The following GTF3C5 variants were observed in gnomAD, a reference collection of about 807,000 sequenced individuals.
GTF3C5 encodes general transcription factor IIIC subunit 5, also known as general transcription factor 3C polypeptide 5.
In GTF3C5, 47 loss-of-function variants were observed where a neutral mutation model predicts 61.0. That is an observed-to-expected ratio of 0.77 (90% CI 0.61 to 0.98). The LOEUF is 0.98. Ranked by LOEUF, GTF3C5 falls within the 50% of genes least tolerant of loss-of-function variation. The probability of loss-of-function intolerance (pLI) is 0.00; values close to 1 mark genes in which losing one functional copy is unlikely to be tolerated. For missense variants in GTF3C5, 659 were observed against 703.3 expected (o/e 0.94, Z 0.71); for synonymous variants, 295 against 275.4 (o/e 1.07, Z -0.71).
At chr9:133,030,911 G>T, upstream of GTF3C5, 1 of 1,361,872 alleles carries the variant, frequency 7.3e-7, no homozygotes, top group South Asian at 1.2e-5. Flanking sequence ...GACGCGAGCG[G>T]TGAGGGAGCC....
intron 4 of GTF3C5, 137 bp from the exon 5 acceptor site, chr9:133,051,923 G>A (rs983819383): frequency 1.1e-5 from 6 of 529,918 alleles, no homozygotes; most frequent in South Asian, 2.6e-5. Context: ...CTAGGGCCAC[G>A]CCCTGTGTGT....
intron 1 of GTF3C5, among the ~76,000 whole-genome samples, chr9:133,039,768 C>G (rs781723290): frequency 8.5e-5 from 13 of 152,182 alleles, no homozygotes; most frequent in Non-Finnish European, 1.9e-4. Context: ...GTGCCTAGTT[C>G]TGTAAATACT....
intron 5 of GTF3C5, 86 bp downstream of exon 5, chr9:133,052,250 G>A (rs1376410122): frequency 5.6e-6 from 4 of 709,708 alleles, no homozygotes; most frequent in Non-Finnish European, 1.0e-5. Flanking sequence ...GCCACAGTAA[G>A]AGCAGCCAAC....
chr9:133,046,029 A>T lies in GTF3C5; in HGVS notation c.572+2103A>T, dbSNP rs192631224. ...TTAAGCTTCCAAAAATGCAGCCCTC[A>T]AGAGAATGGGCTTGGGCCTAGTGTA... On this transcript the variant is annotated intron_variant, in intron 3 of 10. Transcript: ENST00000372097. Among the ~76,000 whole-genome samples the T allele has an allele frequency of 1.0e-3, 152 of 152,346 alleles. 2 individuals are homozygous for T. The highest frequency in any genetic ancestry group is 9.7e-3 in the Admixed American group (149 of 15,306).
rs553879143 is a variant in GTF3C5, at chr9:133,050,624, G to A, written c.573-159G>A. ...TCCTCTGTGAATACAGGTTCCTTTAGCAGCCAACTCTGGGGTCCTTTCCCA... is the reference window on the plus strand; with the variant it reads ...TCCTCTGTGAATACAGGTTCCTTTAACAGCCAACTCTGGGGTCCTTTCCCA... On this transcript the variant is annotated intron_variant, in intron 3 of 10. Transcript: ENST00000372097. Among the ~76,000 whole-genome samples, 18 of 152,330 alleles carry A rather than the reference G, an allele frequency of 1.2e-4. 1 individual carries two copies. Among genetic ancestry groups the A allele is most frequent in the African/African-American group, 4.1e-4 (17 of 41,578 alleles).
intron 8 of GTF3C5, chr9:133,055,438 T>C (rs1829909167): frequency 5.7e-6 from 7 of 1,234,486 alleles, no homozygotes; most frequent in Non-Finnish European, 2.1e-6. Context: ...GCCTATTTTC[T>C]AGGTTTTTTA....
chr9:133,046,309 G>T (rs1850202374), intron 3 of GTF3C5, among the ~76,000 whole-genome samples: 2 of 152,156 alleles, frequency 1.3e-5, no homozygotes, highest in South Asian at 4.1e-4. Flanking sequence ...CAGCCTGGGT[G>T]ACAGAACAAA....
intron 8 of GTF3C5, chr9:133,055,506 T>C: frequency 8.3e-7 from 1 of 1,197,664 alleles, no homozygotes; most frequent in Non-Finnish European, 1.1e-6. Flanking sequence ...CGGCCTTCCT[T>C]CTCGAGGCCT....
At chr9:133,040,746 A>AC (rs1850014129) in intron 1 of GTF3C5, among the ~76,000 whole-genome samples, 1 of 152,060 alleles carries the variant, frequency 6.6e-6, no homozygotes, top group South Asian at 2.1e-4. Context: ...AAGCCACTCC[A>AC]CCCCGCACCA....
At chr9:133,055,836 T>C (rs899388733) in intron 8 of GTF3C5, 176 bp from the exon 9 acceptor site, 2 of 1,411,538 alleles carry the variant, frequency 1.4e-6, no homozygotes, top group Non-Finnish European at 1.8e-6. Context: ...CCTGGGGAGT[T>C]GGACATTGTT....
rs367550906 is a variant in GTF3C5, at chr9:133,056,819, G to A, written c.1304G>A (p.Arg435Gln). The change falls in exon 10 of 11, where the codon CGG becomes CAG. Residue 435 changes from arginine to glutamine, a missense_variant. By Grantham distance (43) the Arg-to-Gln change is conservative. Transcript: ENST00000372097. ...NDGAENSCTE[R>Q]DGWCLPKTSD... ...GGGGCAGAGAATTCCTGCACAGAAC[G>A]GGATGGGTGGTGCCTCCCCAAGACC... 1.6e-5 allele frequency: 25 copies of A among 1,612,168 alleles called. No individual in the cohort carries two copies. The highest frequency in any genetic ancestry group is 2.0e-5 in the Non-Finnish European group (24 of 1,179,186).
chr9:133,033,556 A>T (rs1849787890), intron 1 of GTF3C5, among the ~76,000 whole-genome samples: 1 of 152,204 alleles, frequency 6.6e-6, no homozygotes, highest in African/African-American at 2.4e-5. Context: ...TGGGAGACAG[A>T]AGCTGGATAG....
At chr9:133,041,751 G>C (rs949514031) in intron 1 of GTF3C5, among the ~76,000 whole-genome samples, 3 of 152,080 alleles carry the variant, frequency 2.0e-5, no homozygotes. Context: ...AAAACCCACC[G>C]ACCCTGTGGG....
chr9:133,053,549 C>T lies in GTF3C5; in HGVS notation c.874-279C>T, dbSNP rs1212768861. Reference sequence around the variant, plus strand: ...GCAGTGAACCGTGATTTTGCCACTGCACTCAGCCTGGGCAACAGAGTGAGA... The same window carrying T: ...GCAGTGAACCGTGATTTTGCCACTGTACTCAGCCTGGGCAACAGAGTGAGA... On this transcript the variant is annotated intron_variant, in intron 5 of 10. Coordinates refer to ENST00000372097, the MANE Select transcript of GTF3C5 (RefSeq NM_012087.4). Among the ~76,000 whole-genome samples the T allele has an allele frequency of 2.0e-5, 3 of 152,204 alleles. 1 individual carries two copies. Among genetic ancestry groups the T allele is most frequent in the Admixed American group, 1.3e-4 (2 of 15,282 alleles).
intron 1 of GTF3C5, among the ~76,000 whole-genome samples, chr9:133,041,608 G>A (rs1023892083): frequency 3.3e-5 from 5 of 152,108 alleles, no homozygotes; most frequent in African/African-American, 9.7e-5. Flanking sequence ...AAATAACAGT[G>A]CAGCCAGACA....
At chr9:133,031,256 CA>C in intron 1 of GTF3C5, 92 bp downstream of exon 1, 1 of 1,159,090 alleles carries the variant, frequency 8.6e-7, no homozygotes, top group African/African-American at 1.5e-5. Context: ...GGAAATTTAG[CA>C]AATTTACTTA....
chr9:133,050,543 A>T (rs879832962), intron 3 of GTF3C5, among the ~76,000 whole-genome samples: 34 of 152,034 alleles, frequency 2.2e-4, no homozygotes, highest in Non-Finnish European at 3.5e-4. Context: ...CCAGTTTGAG[A>T]GCTGCAGGCC....
At chr9:133,032,194 C>T (rs1343256965) in intron 1 of GTF3C5, among the ~76,000 whole-genome samples, 5 of 152,200 alleles carry the variant, frequency 3.3e-5, no homozygotes, top group Non-Finnish European at 7.3e-5. Context: ...TCCCAAAGTG[C>T]TGGGATTATA....
rs760048518 is a variant in GTF3C5 at position 133,057,935 on chromosome 9, C to T, written c.1515C>T (p.Asp505=). The part of the protein sequence containing the change: ...EEEEEDFKPS[D]GSENEMETEI... ...AGGAGGAGGACTTCAAGCCATCCGACGGCAGTGAAAACGAAATGGAGACAG... is the reference window on the plus strand; with the variant it reads ...AGGAGGAGGACTTCAAGCCATCCGATGGCAGTGAAAACGAAATGGAGACAG... The change falls in exon 11 of 11, where the codon GAC becomes GAT. Residue 505 remains aspartate (D), a synonymous_variant. Coordinates refer to ENST00000372097, the MANE Select transcript of GTF3C5 (RefSeq NM_012087.4). 19 of 1,613,846 alleles carry T rather than the reference C, an allele frequency of 1.2e-5. No individual in the cohort carries two copies. Among genetic ancestry groups the T allele is most frequent in the Admixed American group, 8.3e-5 (5 of 60,014 alleles).
Sources: allele counts gnomAD v4.1 joint callset (sites outside exome capture counted in the v4.1 genomes callset), GRCh38; gene constraint gnomAD v4.1.1; transcripts MANE v1.5; gene names NCBI Gene and HGNC (gene_info 2026-07-23, HGNC 2026-07-21).